The following NLGN1 variants were observed in gnomAD, a reference collection of about 807,000 sequenced individuals.
NLGN1 encodes the protein neuroligin-1.
A neutral mutation model predicts 65.5 loss-of-function variants in NLGN1; 12 were observed. The ratio of observed to expected loss-of-function variants is 0.18; its 90% CI spans 0.12 to 0.30. The LOEUF (loss-of-function observed/expected upper bound fraction) is 0.30. Among genes scored for constraint, NLGN1 ranks in the 10% least tolerant of loss-of-function variants. The pLI, the probability that NLGN1 is intolerant of heterozygous loss-of-function variation, is 1.00. For missense variants in NLGN1, 750 were observed against 1,007.1 expected (o/e 0.74, Z 3.46); for synonymous variants, 350 against 359.5 (o/e 0.97, Z 0.30).
At chr3:174,114,686 C>T (rs567439893) in intron 4 of NLGN1, among the ~76,000 whole-genome samples, 1 of 152,210 alleles carries the variant, frequency 6.6e-6, no homozygotes, top group Non-Finnish European at 1.5e-5. Flanking sequence ...CATATTTTAT[C>T]TAACGCTGCA....
At chr3:173,764,144 C>T (rs1778409294) in intron 3 of NLGN1, among the ~76,000 whole-genome samples, 1 of 152,142 alleles carries the variant, frequency 6.6e-6, no homozygotes, top group African/African-American at 2.4e-5. Context: ...GCTCTGTACA[C>T]TTCATGATGG....
At chr3:174,286,841 G>T (rs1448992774), downstream of NLGN1, among the ~76,000 whole-genome samples, 1 of 151,394 alleles carries the variant, frequency 6.6e-6, no homozygotes, top group Non-Finnish European at 1.5e-5. Flanking sequence ...TTAGAGAATA[G>T]ATTTGGGGAG....
chr3:173,404,979 A>T (rs968595840), intron 1 of NLGN1, among the ~76,000 whole-genome samples: 1 of 152,164 alleles, frequency 6.6e-6, no homozygotes, highest in Non-Finnish European at 1.5e-5. Context: ...ATTTTTAGAC[A>T]AATAGATATA....
chr3:174,204,678 C>T (rs763191021), intron 4 of NLGN1, among the ~76,000 whole-genome samples: 16 of 152,224 alleles, frequency 1.1e-4, no homozygotes, highest in Non-Finnish European at 2.1e-4. Context: ...AGATTGTGGT[C>T]TTTCCGTGAC....
At chr3:173,749,104 C>T (rs2150146325) in intron 3 of NLGN1, among the ~76,000 whole-genome samples, 1 of 152,124 alleles carries the variant, frequency 6.6e-6, no homozygotes, top group African/African-American at 2.4e-5. Context: ...AAATATAAGG[C>T]AGAGAACCCT....
chr3:173,837,324 T>G (rs1274240622), intron 4 of NLGN1, among the ~76,000 whole-genome samples: 1 of 152,126 alleles, frequency 6.6e-6, no homozygotes. Flanking sequence ...TACTTTAGAG[T>G]AACATTTTCA....
intron 4 of NLGN1, among the ~76,000 whole-genome samples, chr3:174,053,844 T>C (rs1215435669): frequency 1.3e-5 from 2 of 152,048 alleles, no homozygotes; most frequent in African/African-American, 2.4e-5. Context: ...ATGATTACTT[T>C]AGAAATTTGA....
chr3:173,793,255 A>T (rs2150373335), intron 3 of NLGN1, among the ~76,000 whole-genome samples: 1 of 152,308 alleles, frequency 6.6e-6, no homozygotes, highest in East Asian at 1.9e-4. Context: ...AATGGTAGCC[A>T]CTGACTAGGC....
intron 3 of NLGN1, among the ~76,000 whole-genome samples, chr3:173,759,788 A>G (rs1461388217): frequency 2.0e-5 from 3 of 151,910 alleles, no homozygotes; most frequent in Non-Finnish European, 4.4e-5. Flanking sequence ...CAATTTTTAA[A>G]TCTTTTGTAT....
intron 2 of NLGN1, among the ~76,000 whole-genome samples, chr3:173,541,121 A>T (rs1376998249): frequency 6.6e-6 from 1 of 152,192 alleles, no homozygotes; most frequent in Non-Finnish European, 1.5e-5. Context: ...TAGGGAATCT[A>T]TAAGATATAA....
At chr3:174,045,336 A>G (rs1004842052) in intron 4 of NLGN1, among the ~76,000 whole-genome samples, 4 of 152,234 alleles carry the variant, frequency 2.6e-5, no homozygotes, top group African/African-American at 7.2e-5. Context: ...CCTTCTTCAC[A>G]TGACAGCAGG....
At chr3:174,082,160 A>G (rs547445069) in intron 4 of NLGN1, among the ~76,000 whole-genome samples, 77 of 152,300 alleles carry the variant, frequency 5.1e-4, no homozygotes, top group Admixed American at 3.6e-3. Context: ...TTTAAAGAGA[A>G]AATATCAAAC....
At chr3:173,668,619 CTTTTTTTTTT>C (rs34649854) in intron 3 of NLGN1, among the ~76,000 whole-genome samples, 1 of 132,748 alleles carries the variant, frequency 7.5e-6, no homozygotes, top group Non-Finnish European at 1.6e-5. Flanking sequence ...CTTTTCTTTT[CTTTTTTTTTT>C]TTTTTTTTAA....
intron 4 of NLGN1, among the ~76,000 whole-genome samples, chr3:174,224,082 C>T (rs2152808563): frequency 6.6e-6 from 1 of 152,190 alleles, no homozygotes; most frequent in Middle Eastern, 3.4e-3. Context: ...ATATTTAGTC[C>T]ATCTTCTATA....
At chr3:173,566,961 A>C (rs562392732) in intron 2 of NLGN1, among the ~76,000 whole-genome samples, 1 of 152,284 alleles carries the variant, frequency 6.6e-6, no homozygotes, top group East Asian at 1.9e-4. Context: ...TTCTGTTATC[A>C]AATGGTACCA....
At chr3:173,730,297 G>A (rs1772557404) in intron 3 of NLGN1, among the ~76,000 whole-genome samples, 1 of 139,962 alleles carries the variant, frequency 7.1e-6, no homozygotes, top group Admixed American at 7.6e-5. Context: ...ATGTTTTGAG[G>A]TCTAACACAC....
intron 3 of NLGN1, among the ~76,000 whole-genome samples, chr3:173,779,070 G>C (rs565794803): frequency 6.6e-6 from 1 of 151,536 alleles, no homozygotes; most frequent in African/African-American, 2.4e-5. Context: ...CCTAAAGTTA[G>C]AGTTCATTGT....
Position 174,268,463 on chromosome 3 carries a change from C to T in NLGN1, c.647-6852C>T, listed in dbSNP as rs186478988. 3.5e-3 allele frequency among the ~76,000 whole-genome samples: 533 copies of T among 152,178 alleles called. 3 individuals are homozygous for T. The highest frequency in any genetic ancestry group is 4.8e-3 in the Non-Finnish European group (329 of 67,990). ...GGACTGGAGCTGGGGGTTACTTTCTCCCTAGTATCTTGGGGCATTCTTGAA... is the reference window on the plus strand; with the variant it reads ...GGACTGGAGCTGGGGGTTACTTTCTTCCTAGTATCTTGGGGCATTCTTGAA... On this transcript the variant is annotated intron_variant, in intron 4 of 6. Transcript: ENST00000457714.
At chr3:173,879,243 A>G (rs539419696) in intron 4 of NLGN1, among the ~76,000 whole-genome samples, 3 of 151,794 alleles carry the variant, frequency 2.0e-5, no homozygotes, top group East Asian at 1.9e-4. Context: ...GACAAAAAAA[A>G]AAAGAAAGAA....
Sources: gnomAD v4.1 joint callset for allele counts (sites outside exome capture counted in the v4.1 genomes callset) on GRCh38, gnomAD v4.1.1 for gene constraint, MANE v1.5 for transcripts, NCBI Gene and HGNC (gene_info 2026-07-23, HGNC 2026-07-21) for gene names.